The following PKNOX1 variants were observed in gnomAD, a reference collection of about 807,000 sequenced individuals.
The protein encoded by PKNOX1 is homeobox protein PKNOX1.
Under a neutral mutation model 51.9 loss-of-function variants are expected in PKNOX1, and 15 were observed. That is an observed-to-expected ratio of 0.29 (90% CI 0.19 to 0.45). The LOEUF is 0.45. PKNOX1 is among the 20% of genes least tolerant of loss of function. PKNOX1 has a pLI of 1.00. For missense variants in PKNOX1, 462 were observed against 547.5 expected (o/e 0.84, Z 1.56); for synonymous variants, 219 against 211.1 (o/e 1.04, Z -0.32).
At chr21:43,015,195 G>T (rs567493119) in intron 5 of PKNOX1, among the ~76,000 whole-genome samples, 11 of 152,218 alleles carry the variant, frequency 7.2e-5, no homozygotes, top group Admixed American at 6.5e-4. Context: ...CCTTTCAGTC[G>T]CTCACTGTCG....
chr21:42,976,612 T>C (rs1265384064), intron 1 of PKNOX1, among the ~76,000 whole-genome samples: 1 of 152,264 alleles, frequency 6.6e-6, no homozygotes, highest in African/African-American at 2.4e-5. Flanking sequence ...TTCCACAATG[T>C]GCACAGCGTC....
intron 1 of PKNOX1, among the ~76,000 whole-genome samples, chr21:42,984,586 C>T (rs891001841): frequency 6.6e-6 from 1 of 152,090 alleles, no homozygotes; most frequent in Non-Finnish European, 1.5e-5. Flanking sequence ...CAGGGTCTCT[C>T]CATGTTGTTC....
intron 1 of PKNOX1, among the ~76,000 whole-genome samples, chr21:42,981,291 C>T (rs1408949499): frequency 6.6e-6 from 1 of 152,240 alleles, no homozygotes; most frequent in South Asian, 2.1e-4. Flanking sequence ...CTGGCGGTGC[C>T]CTGCTCGTGA....
chr21:43,029,723 G>A (rs558104676), intron 10 of PKNOX1, among the ~76,000 whole-genome samples, 167 bp from the exon 11 acceptor site: 3 of 152,060 alleles, frequency 2.0e-5, no homozygotes, highest in Non-Finnish European at 2.9e-5. Flanking sequence ...GAGCTACCGC[G>A]CCCGGCCCAG....
intron 1 of PKNOX1, among the ~76,000 whole-genome samples, chr21:42,992,838 C>T (rs2059094904): frequency 7.0e-6 from 1 of 143,308 alleles, no homozygotes; most frequent in Non-Finnish European, 1.5e-5. Flanking sequence ...GGGGGCCTTC[C>T]TCACGGTATC....
At chr21:42,978,483 TTTC>T (rs1303932806) in intron 1 of PKNOX1, among the ~76,000 whole-genome samples, 18 of 150,068 alleles carry the variant, frequency 1.2e-4, no homozygotes, top group South Asian at 2.1e-4. Flanking sequence ...TTTCTTTTCT[TTTC>T]TTTTTTTTTT....
At chr21:42,977,603 A>G (rs1191679024) in intron 1 of PKNOX1, among the ~76,000 whole-genome samples, 1 of 131,854 alleles carries the variant, frequency 7.6e-6, no homozygotes, top group Non-Finnish European at 1.5e-5. Context: ...GCTGGAGAGC[A>G]ATGGCGTGAT....
At chr21:42,992,666 C>T (rs781668139) in intron 1 of PKNOX1, among the ~76,000 whole-genome samples, 5 of 152,136 alleles carry the variant, frequency 3.3e-5, no homozygotes, top group Admixed American at 6.6e-5. Context: ...CCAGAGCACA[C>T]GTGCAGACTC....
chr21:42,979,922 G>T (rs1236288459), intron 1 of PKNOX1, among the ~76,000 whole-genome samples: 2 of 152,188 alleles, frequency 1.3e-5, no homozygotes, highest in South Asian at 4.1e-4. Flanking sequence ...ATGAAACATG[G>T]TCAGTGAAGT....
intron 4 of PKNOX1, among the ~76,000 whole-genome samples, chr21:43,010,648 G>A (rs1979209326): frequency 1.3e-5 from 2 of 151,984 alleles, no homozygotes; most frequent in East Asian, 3.9e-4. Context: ...TCAGGAGTTC[G>A]AGACCAGCCT....
chr21:42,980,129 T>G (rs1438945719), intron 1 of PKNOX1, among the ~76,000 whole-genome samples: 1 of 152,046 alleles, frequency 6.6e-6, no homozygotes, highest in Non-Finnish European at 1.5e-5. Context: ...TCCTAGCGCT[T>G]TGGGAGGCCG....
Position 43,031,789 on chromosome 21 carries a change from C to T in PKNOX1, c.*1688C>T, listed in dbSNP as rs185094154. On this transcript the variant is annotated 3_prime_UTR_variant, in exon 11 of 11. Coordinates refer to ENST00000291547, the MANE Select transcript of PKNOX1 (RefSeq NM_004571.5). ...TTGAGGTTAAGAAGTCAGTGGGAAA[C>T]ACACAGAAATTTGTTTTAAAATCTT... The T allele has an allele frequency of 1.5e-3, 249 of 161,454 alleles. No homozygotes were observed. The highest frequency in any genetic ancestry group is 5.8e-3 in the African/African-American group (243 of 41,786). 10.0% of individuals were successfully genotyped at this position (161,454 alleles called of 1,614,324 possible). A position where few individuals can be genotyped will look rare whatever the true frequency, so the allele number is the denominator to read the frequency against.
chr21:43,018,014 A>AGC, intron 6 of PKNOX1, 119 bp from the exon 7 acceptor site: 1 of 608,648 alleles, frequency 1.6e-6, no homozygotes, highest in South Asian at 2.0e-5. Context: ...GTTAGAGACC[A>AGC]GCCTGGGCAA....
rs1193244018 is a variant in PKNOX1, at chr21:43,004,269, G to C, written c.-56-57G>C. The stretch of plus-strand genomic sequence containing the variant: ...AAAAAATTTGATGTTATGGAATGAG[G>C]GAGACAAAAAATGCTCTACAACTAT... On this transcript the variant is annotated intron_variant, in intron 1 of 10. Transcript: ENST00000291547. 6.7e-6 allele frequency: 5 copies of C among 741,642 alleles called. No homozygotes were observed. The Admixed American group carries it at 1.1e-4, about 16-fold the overall frequency. The allele number at this position is 741,642 out of a possible 1,614,324, so 45.9% of individuals were successfully genotyped here. A position where few individuals can be genotyped will look rare whatever the true frequency, so the allele number is the denominator to read the frequency against.
intron 7 of PKNOX1, among the ~76,000 whole-genome samples, chr21:43,019,973 C>T (rs1979684992): frequency 6.9e-6 from 1 of 145,606 alleles, no homozygotes; most frequent in Non-Finnish European, 1.5e-5. Flanking sequence ...CGCTCTGTTA[C>T]CCAGGCTGGA....
At chr21:42,977,766 G>A (rs1447851941) in intron 1 of PKNOX1, among the ~76,000 whole-genome samples, 1 of 151,696 alleles carries the variant, frequency 6.6e-6, no homozygotes, top group Non-Finnish European at 1.5e-5. Flanking sequence ...GCTAGGCTGG[G>A]ACTTCTGACC....
At chr21:42,987,956 TACAG>T (rs951595613) in intron 1 of PKNOX1, among the ~76,000 whole-genome samples, 2 of 152,082 alleles carry the variant, frequency 1.3e-5, no homozygotes, top group African/African-American at 4.8e-5. Flanking sequence ...GCATACGTAA[TACAG>T]ACAGTATGTG....
At chr21:43,012,550 A>C (rs1979301715) in intron 4 of PKNOX1, among the ~76,000 whole-genome samples, 1 of 152,262 alleles carries the variant, frequency 6.6e-6, no homozygotes, top group South Asian at 2.1e-4. Context: ...TTGGGCAATA[A>C]GAGTGAAACT....
chr21:42,982,899 TC>T, intron 1 of PKNOX1, among the ~76,000 whole-genome samples: 1 of 152,040 alleles, frequency 6.6e-6, no homozygotes, highest in African/African-American at 2.4e-5. Context: ...AACCTCTGCC[TC>T]CCGGGTTCAG....
Sources: gnomAD v4.1 joint callset for allele counts (sites outside exome capture counted in the v4.1 genomes callset) on GRCh38, gnomAD v4.1.1 for gene constraint, MANE v1.5 for transcripts, NCBI Gene and HGNC (gene_info 2026-07-23, HGNC 2026-07-21) for gene names.